The following PCDHGA10 variants were observed in gnomAD, a reference collection of about 807,000 sequenced individuals.
PCDHGA10 encodes the protein protocadherin gamma-A10.
Under a neutral mutation model 59.5 loss-of-function variants are expected in PCDHGA10, and 42 were observed. The observed-to-expected ratio is 0.71, with a 90% CI of 0.55 to 0.91. PCDHGA10 has a LOEUF of 0.91. PCDHGA10 is among the 40% of genes least tolerant of loss of function. The pLI, the probability that PCDHGA10 is intolerant of heterozygous loss-of-function variation, is 0.00. For missense variants in PCDHGA10, 1,111 were observed against 1,198.2 expected (o/e 0.93, Z 1.07); for synonymous variants, 511 against 517.2 (o/e 0.99, Z 0.16).
chr5:141,474,488 A>C (rs2099350464), intron 1 of PCDHGA10, among the ~76,000 whole-genome samples: 1 of 152,208 alleles, frequency 6.6e-6, no homozygotes. Flanking sequence ...AATGTATTCT[A>C]TCTTCTAATG....
chr5:141,465,313 T>C (rs113508011), intron 1 of PCDHGA10, among the ~76,000 whole-genome samples: 5 of 152,312 alleles, frequency 3.3e-5, no homozygotes, highest in Admixed American at 6.5e-5. Context: ...AATTTAGCCA[T>C]GTCAATGCAG....
intron 1 of PCDHGA10, chr5:141,475,926 G>C: frequency 4.8e-6 from 3 of 619,440 alleles, no homozygotes; most frequent in East Asian, 2.9e-5. Context: ...GCTGGAGATC[G>C]GGCCCCTGCC....
At chr5:141,475,217 A>G (rs1053906682) in intron 1 of PCDHGA10, among the ~76,000 whole-genome samples, 4 of 152,196 alleles carry the variant, frequency 2.6e-5, no homozygotes, top group Non-Finnish European at 5.9e-5. Flanking sequence ...AGGATTGATC[A>G]AGTAAAGGGA....
At position 141,489,985 on chromosome 5, in the gene PCDHGA10, G is replaced by C. The variant is rs761481986; in HGVS notation, c.2437-4822G>C. ...AACCTTCCAATCCTCAGTTCTACGT[G>C]TGGGAATCCCAGAGAATGCACCCAT... On this transcript the variant is annotated intron_variant, in intron 1 of 3. Coordinates refer to ENST00000398610, the MANE Select transcript of PCDHGA10 (RefSeq NM_018913.3). This position sits in a 1 kb window ranked among gnomAD's most constrained non-coding sequence, Gnocchi z 4.5. 3 of 1,614,212 alleles carry C rather than the reference G, an allele frequency of 1.9e-6. No individual in the cohort carries two copies. The East Asian group carries it at 6.7e-5, about 36-fold the overall frequency.
chr5:141,441,018 TG>T (rs1482478700), intron 1 of PCDHGA10: 1 of 152,164 alleles, frequency 6.6e-6, no homozygotes, highest in Non-Finnish European at 1.5e-5. Context: ...GATCAAATAG[TG>T]GAGAAATGAA....
intron 1 of PCDHGA10, chr5:141,423,804 T>A: frequency 8.1e-7 from 1 of 1,240,508 alleles, no homozygotes; most frequent in Non-Finnish European, 1.0e-6. Context: ...GAGCAATACA[T>A]GTGAGTTTTA....
chr5:141,495,449 GCT>G (rs560850951), intron 2 of PCDHGA10, among the ~76,000 whole-genome samples: 3 of 152,194 alleles, frequency 2.0e-5, no homozygotes, highest in Non-Finnish European at 2.9e-5. Flanking sequence ...TACTTGTCCT[GCT>G]CTCTGTCTGT....
At chr5:141,460,159 T>A (rs1313260289) in intron 1 of PCDHGA10, among the ~76,000 whole-genome samples, 3 of 152,260 alleles carry the variant, frequency 2.0e-5, no homozygotes, top group Non-Finnish European at 1.5e-5. Context: ...CTTTGTCACA[T>A]ACATATTTTG....
chr5:141,505,705 GAA>G (rs1250788277), intron 3 of PCDHGA10, among the ~76,000 whole-genome samples: 1 of 152,198 alleles, frequency 6.6e-6, no homozygotes, highest in Non-Finnish European at 1.5e-5. Flanking sequence ...AGCGAACAAG[GAA>G]AAGACTCATG....
intron 1 of PCDHGA10, among the ~76,000 whole-genome samples, chr5:141,488,133 G>T (rs1046071550): frequency 6.6e-6 from 1 of 152,198 alleles, no homozygotes; most frequent in Non-Finnish European, 1.5e-5. Context: ...AGAAAGAGGA[G>T]AGAACTAAAG....
chr5:141,478,347 C>T, intron 1 of PCDHGA10: 2 of 1,613,802 alleles, frequency 1.2e-6, no homozygotes, highest in Non-Finnish European at 1.7e-6. Context: ...TCCTTGCACG[C>T]GGACGCCGTG....
rs775299266 is a variant in PCDHGA10, at chr5:141,432,192, AC to A, written c.2436+16585del. On this transcript the variant is annotated intron_variant, in intron 1 of 3. Transcript: ENST00000398610. The surrounding 1 kb of genome is among the most constrained non-coding windows in gnomAD (Gnocchi z 6.0). ...TCCCTCGTCTCTGTGACCGCCCACG[AC>A]CCCGACTGTGAAGAGAACGCCCAGA... 5 of 1,613,812 alleles carry A rather than the reference AC, an allele frequency of 3.1e-6. No individual in the cohort carries two copies. Among genetic ancestry groups the A allele is most frequent in the Non-Finnish European group, 4.2e-6 (5 of 1,179,996 alleles).
intron 1 of PCDHGA10, among the ~76,000 whole-genome samples, chr5:141,459,789 G>A (rs960868607): frequency 6.6e-6 from 1 of 152,206 alleles, no homozygotes; most frequent in Non-Finnish European, 1.5e-5. Context: ...AGTTTCAACT[G>A]TTTTTCCCTG....
At position 141,421,347 on chromosome 5, in the gene PCDHGA10, C is replaced by T. The variant is rs147068995; in HGVS notation, c.2436+5736C>T. 359 of 1,613,948 alleles carry T rather than the reference C, an allele frequency of 2.2e-4. 2 individuals carry two copies. In the East Asian group the frequency reaches 6.5e-3, roughly 29 times the overall value. On this transcript the variant is annotated intron_variant, in intron 1 of 3. Coordinates refer to ENST00000398610, the MANE Select transcript of PCDHGA10 (RefSeq NM_018913.3). ...TCCGATATTCGGTGCCAGAAGAGAC[C>T]GAAAAGGGCTCCTTCGTGGGCAATA...
intron 1 of PCDHGA10, among the ~76,000 whole-genome samples, chr5:141,438,349 C>G (rs892834423): frequency 6.6e-6 from 1 of 151,762 alleles, no homozygotes; most frequent in Non-Finnish European, 1.5e-5. Flanking sequence ...AGGATCTACT[C>G]TGTGTATTGT....
intron 1 of PCDHGA10, chr5:141,419,684 G>A (rs1286646418): frequency 5.4e-5 from 87 of 1,612,770 alleles, no homozygotes; most frequent in Non-Finnish European, 7.3e-5. Flanking sequence ...CTACCACGTG[G>A]TGCAGGCCAG....
intron 1 of PCDHGA10, among the ~76,000 whole-genome samples, chr5:141,458,829 C>T (rs2098954599): frequency 6.6e-6 from 1 of 152,108 alleles, no homozygotes; most frequent in Non-Finnish European, 1.5e-5. Context: ...GCCTCCCAGG[C>T]TCAAGTGATC....
rs1437533706 is a variant in PCDHGA10, at chr5:141,511,419, G to C, written c.*246G>C. On this transcript the variant is annotated 3_prime_UTR_variant, in exon 4 of 4. Transcript: ENST00000398610. ...ATCCAATCAACTGCTGTACCCATGG[G>C]GGTAGTGGGGTTACTGTAGACACCA... The C allele has an allele frequency of 2.4e-6, 2 of 830,456 alleles. No individual in the cohort carries two copies. The highest frequency in any genetic ancestry group is 5.8e-5 in the East Asian group (2 of 34,260). 51.4% of individuals were successfully genotyped at this position (830,456 alleles called of 1,614,324 possible).
At chr5:141,470,734 G>A (rs970003510) in intron 1 of PCDHGA10, among the ~76,000 whole-genome samples, 1 of 152,128 alleles carries the variant, frequency 6.6e-6, no homozygotes, top group Non-Finnish European at 1.5e-5. Context: ...GTCTTGCTCT[G>A]TCGCCCTGGC....
Sources: allele counts gnomAD v4.1 joint callset (sites outside exome capture counted in the v4.1 genomes callset), GRCh38; gene constraint gnomAD v4.1.1; non-coding constraint Gnocchi (gnomAD v3.1); transcripts MANE v1.5; gene names NCBI Gene and HGNC (gene_info 2026-07-23, HGNC 2026-07-21).